The following LINGO2 variants were observed in gnomAD, a reference collection of about 807,000 sequenced individuals.
LINGO2 encodes the protein leucine-rich repeat and immunoglobulin-like domain-containing nogo receptor-interacting protein 2.
Under a neutral mutation model 30.6 loss-of-function variants are expected in LINGO2, and 14 were observed. That is an observed-to-expected ratio of 0.46 (90% CI 0.30 to 0.72). LINGO2 has a LOEUF of 0.72. Ranked by LOEUF, LINGO2 falls within the 30% of genes least tolerant of loss-of-function variation. LINGO2 has a pLI of 0.07. For synonymous variants in LINGO2, 317 were observed against 288.5 expected, an observed-to-expected ratio of 1.10 and a Z score of -1.00; for missense variants, 729 against 751.7, an observed-to-expected ratio of 0.97 and a Z score of 0.35.
chr9:28,676,442 A>G, the LINGO2 span, among the ~76,000 whole-genome samples: 1 of 152,182 alleles, frequency 6.6e-6, no homozygotes, highest in Non-Finnish European at 1.5e-5. Flanking sequence ...GCCACCTGAA[A>G]CATGTTGTCA....
At chr9:28,141,974 C>T (rs1278281039) in intron 4 of LINGO2, among the ~76,000 whole-genome samples, 3 of 152,090 alleles carry the variant, frequency 2.0e-5, no homozygotes, top group South Asian at 2.1e-4. Context: ...GAAAACATAA[C>T]GGGAAAAATG....
chr9:27,948,554 T>G (rs1823459322), exon 6 of LINGO2: 1 of 303,924 alleles, frequency 3.3e-6, no homozygotes, highest in South Asian at 1.2e-4. Flanking sequence ...TAGAAAATGC[T>G]GAATAATTGT....
At chr9:28,512,591 G>A (rs57291347) in intron 1 of LINGO2, among the ~76,000 whole-genome samples, 1,096 of 15,458 alleles carry the variant, frequency 0.071, 84 homozygotes, top group East Asian at 0.16. Context: ...ATATATATGT[G>A]TGTATATATA....
chr9:28,038,511 G>A (rs940516324), intron 4 of LINGO2, among the ~76,000 whole-genome samples: 2 of 152,072 alleles, frequency 1.3e-5, no homozygotes, highest in African/African-American at 2.4e-5. Context: ...GGCTAAAACG[G>A]TGAAACCCAG....
chr9:27,990,649 T>C (rs1023840800), intron 5 of LINGO2, among the ~76,000 whole-genome samples: 6 of 152,026 alleles, frequency 3.9e-5, no homozygotes, highest in African/African-American at 1.4e-4. Context: ...AATACCCTTA[T>C]TTCACAGTAG....
At chr9:28,320,535 T>C (rs1161863140) in intron 3 of LINGO2, among the ~76,000 whole-genome samples, 1 of 152,184 alleles carries the variant, frequency 6.6e-6, no homozygotes, top group Non-Finnish European at 1.5e-5. Context: ...GACTTACTTA[T>C]GAATTGGTCA....
At chr9:28,939,590 C>A in the LINGO2 span, among the ~76,000 whole-genome samples, 1 of 152,104 alleles carries the variant, frequency 6.6e-6, no homozygotes, top group Non-Finnish European at 1.5e-5. Flanking sequence ...AAGATGTGAT[C>A]ACTCCTTTCA....
the LINGO2 span, among the ~76,000 whole-genome samples, chr9:29,157,990 T>C: frequency 6.6e-6 from 1 of 152,134 alleles, no homozygotes; most frequent in Non-Finnish European, 1.5e-5. Context: ...GTTCCCTACA[T>C]GATTCAGATG....
chr9:29,198,347 G>A, the LINGO2 span, among the ~76,000 whole-genome samples: 8 of 152,092 alleles, frequency 5.3e-5, no homozygotes, highest in Non-Finnish European at 1.0e-4. Flanking sequence ...CCTTTGCAGC[G>A]TAAGTGGCTG....
At chr9:28,927,896 G>A in the LINGO2 span, among the ~76,000 whole-genome samples, 127 of 152,318 alleles carry the variant, frequency 8.3e-4, no homozygotes, top group African/African-American at 2.8e-3. Context: ...AAGTGACAGA[G>A]TTGTGATTCA....
intron 4 of LINGO2, among the ~76,000 whole-genome samples, chr9:28,274,502 A>G (rs901930202): frequency 5.3e-5 from 8 of 152,222 alleles, no homozygotes; most frequent in African/African-American, 1.9e-4. Context: ...GCATAATGCT[A>G]TCTGAACTGT....
intron 1 of LINGO2, among the ~76,000 whole-genome samples, chr9:28,598,011 C>T (rs546456458): frequency 6.6e-6 from 1 of 152,226 alleles, no homozygotes; most frequent in East Asian, 1.9e-4. Flanking sequence ...GTGATCCACC[C>T]ACCTCTGCCT....
chr9:28,216,836 T>A (rs1820783991), intron 4 of LINGO2, among the ~76,000 whole-genome samples: 1 of 151,890 alleles, frequency 6.6e-6, no homozygotes, highest in Admixed American at 6.6e-5. Context: ...AATAAATGGA[T>A]CTGTAAGTTA....
At chr9:28,228,526 G>A (rs988535248) in intron 4 of LINGO2, among the ~76,000 whole-genome samples, 6 of 151,814 alleles carry the variant, frequency 4.0e-5, no homozygotes, top group Non-Finnish European at 7.4e-5. Context: ...TATTATTTCT[G>A]TTAATAAGCA....
At chr9:28,711,192 A>C in the LINGO2 span, among the ~76,000 whole-genome samples, 1 of 152,140 alleles carries the variant, frequency 6.6e-6, no homozygotes, top group Admixed American at 6.6e-5. Context: ...TTTTAGATTA[A>C]AAATATATTT....
At chr9:27,975,536 T>A (rs1206564478) in intron 5 of LINGO2, among the ~76,000 whole-genome samples, 1 of 152,110 alleles carries the variant, frequency 6.6e-6, no homozygotes, top group Non-Finnish European at 1.5e-5. Flanking sequence ...CAGTTGATTC[T>A]TGCAAAGCTG....
chr9:28,558,859 C>T (rs557698448), intron 1 of LINGO2, among the ~76,000 whole-genome samples: 1 of 151,844 alleles, frequency 6.6e-6, no homozygotes, highest in Non-Finnish European at 1.5e-5. Context: ...TCTATTGCAT[C>T]CTTAGAAGTG....
the LINGO2 span, among the ~76,000 whole-genome samples, chr9:29,001,671 A>G: frequency 1.3e-5 from 2 of 152,034 alleles, no homozygotes; most frequent in African/African-American, 4.8e-5. Context: ...TTATTTATAC[A>G]TACATTACCT....
chr9:28,957,193 G>A, the LINGO2 span, among the ~76,000 whole-genome samples: 1 of 152,094 alleles, frequency 6.6e-6, no homozygotes, highest in Admixed American at 6.5e-5. Flanking sequence ...CTGTGCATGT[G>A]AAGCACACCC....
Sources: gnomAD v4.1 joint callset for allele counts (sites outside exome capture counted in the v4.1 genomes callset) on GRCh38, gnomAD v4.1.1 for gene constraint, MANE v1.5 for transcripts, NCBI Gene and HGNC (gene_info 2026-07-23, HGNC 2026-07-21) for gene names.